RABGAP1L: variants seen among roughly 807,000 people sequenced by gnomAD.
RABGAP1L encodes rab GTPase-activating protein 1-like.
RABGAP1L carries 63 observed loss-of-function variants against 137.7 expected under a neutral mutation model. The ratio of observed to expected loss-of-function variants is 0.46; its 90% CI spans 0.37 to 0.56. The LOEUF is 0.56. Among genes scored for constraint, RABGAP1L ranks in the 20% least tolerant of loss-of-function variants. RABGAP1L has a pLI of 0.00. For synonymous variants in RABGAP1L, 431 were observed against 433.7 expected (o/e 0.99, Z 0.08); for missense variants, 1,095 against 1,244.0 (o/e 0.88, Z 1.80).
intron 10 of RABGAP1L, among the ~76,000 whole-genome samples, chr1:174,280,053 GAGA>G (rs1558094719): frequency 7.6e-5 from 9 of 117,812 alleles, no homozygotes; most frequent in Non-Finnish European, 1.6e-5. Flanking sequence ...TGCCTGGAGA[GAGA>G]GAGAGAGAGA....
At chr1:174,307,367 C>G (rs1678383497) in intron 11 of RABGAP1L, among the ~76,000 whole-genome samples, 5 of 152,142 alleles carry the variant, frequency 3.3e-5, no homozygotes, top group South Asian at 2.1e-4. Context: ...TTAGTACATT[C>G]ACAATTTTGG....
At chr1:174,782,025 C>T (rs1345800461) in intron 18 of RABGAP1L, among the ~76,000 whole-genome samples, 1 of 152,140 alleles carries the variant, frequency 6.6e-6, no homozygotes, top group Non-Finnish European at 1.5e-5. Context: ...GTTCTTTTGG[C>T]TTAGGATTGA....
At chr1:174,639,301 A>T (rs1457050812) in intron 14 of RABGAP1L, among the ~76,000 whole-genome samples, 1 of 152,170 alleles carries the variant, frequency 6.6e-6, no homozygotes, top group Non-Finnish European at 1.5e-5. Context: ...ATAATCTGAG[A>T]GTATACTGAT....
chr1:174,954,431 C>G (rs1040007454), intron 19 of RABGAP1L, among the ~76,000 whole-genome samples: 3 of 152,136 alleles, frequency 2.0e-5, no homozygotes, highest in African/African-American at 7.2e-5. Flanking sequence ...AAATGTTTCA[C>G]TTTGAAATGA....
chr1:174,209,445 G>A (rs1404697712), intron 1 of RABGAP1L, among the ~76,000 whole-genome samples: 11 of 152,228 alleles, frequency 7.2e-5, no homozygotes, highest in Non-Finnish European at 1.5e-4. Flanking sequence ...AGGGAACATC[G>A]GCAGTAGCTT....
At chr1:174,928,537 A>G (rs1445778231) in intron 19 of RABGAP1L, among the ~76,000 whole-genome samples, 1 of 152,112 alleles carries the variant, frequency 6.6e-6, no homozygotes, top group Non-Finnish European at 1.5e-5. Flanking sequence ...CAAAAGGAAA[A>G]TAATGAAAGC....
At chr1:174,929,455 T>C (rs887773645) in intron 19 of RABGAP1L, among the ~76,000 whole-genome samples, 5 of 152,062 alleles carry the variant, frequency 3.3e-5, no homozygotes, top group African/African-American at 1.2e-4. Context: ...AAATTAGAAA[T>C]TTAGGGGCCA....
At chr1:174,496,651 A>T (rs189220004) in intron 13 of RABGAP1L, among the ~76,000 whole-genome samples, 2 of 152,340 alleles carry the variant, frequency 1.3e-5, no homozygotes, top group African/African-American at 4.8e-5. Flanking sequence ...TCTCAATTGA[A>T]GGCAACCAAT....
chr1:174,598,755 C>T (rs1445899720), intron 13 of RABGAP1L, among the ~76,000 whole-genome samples: 2 of 152,018 alleles, frequency 1.3e-5, no homozygotes, highest in Admixed American at 1.3e-4. Flanking sequence ...CATGGAATAT[C>T]TTTTCCCATT....
At chr1:174,615,791 C>G (rs1361787860) in intron 13 of RABGAP1L, among the ~76,000 whole-genome samples, 1 of 152,216 alleles carries the variant, frequency 6.6e-6, no homozygotes, top group Non-Finnish European at 1.5e-5. Flanking sequence ...GGTGGGCGCC[C>G]CTCCCCCAGC....
intron 17 of RABGAP1L, among the ~76,000 whole-genome samples, chr1:174,751,622 T>C (rs952745913): frequency 2.0e-5 from 3 of 152,236 alleles, no homozygotes; most frequent in Non-Finnish European, 2.9e-5. Context: ...TTCAGAGCAA[T>C]TGGGCAGAAC....
chr1:174,258,149 T>C (rs1673275668), intron 7 of RABGAP1L, among the ~76,000 whole-genome samples: 1 of 152,240 alleles, frequency 6.6e-6, no homozygotes. Flanking sequence ...AATTCTTGGA[T>C]TTTTCTATAT....
chr1:174,450,790 A>G (rs1201358658), intron 13 of RABGAP1L, among the ~76,000 whole-genome samples: 1 of 152,208 alleles, frequency 6.6e-6, no homozygotes, highest in African/African-American at 2.4e-5. Context: ...TAAAATTTAT[A>G]TCAAACTACT....
intron 13 of RABGAP1L, among the ~76,000 whole-genome samples, chr1:174,600,931 C>A (rs1013126885): frequency 6.6e-6 from 1 of 152,266 alleles, no homozygotes; most frequent in African/African-American, 2.4e-5. Context: ...TTCCGCACTG[C>A]CCTATCAGAG....
chr1:174,764,726 C>CAGAAGCTGCCTCAGCAGGAGCTGCCTCAG (rs1685523414), intron 18 of RABGAP1L, among the ~76,000 whole-genome samples: 1 of 152,200 alleles, frequency 6.6e-6, no homozygotes, highest in Non-Finnish European at 1.5e-5. Context: ...TCTGCCTCAG[C>CAGAAGCTGCCTCAGCAGGAGCTGCCTCAG]CTCCAAAGTA....
At chr1:174,747,392 A>G (rs920273983) in intron 17 of RABGAP1L, among the ~76,000 whole-genome samples, 32 of 141,346 alleles carry the variant, frequency 2.3e-4, no homozygotes, top group African/African-American at 7.9e-4. Flanking sequence ...ACAGAGTGAA[A>G]TTCTATCTCT....
chr1:174,268,593 A>G (rs908811433), intron 7 of RABGAP1L, among the ~76,000 whole-genome samples: 5 of 151,988 alleles, frequency 3.3e-5, no homozygotes, highest in Non-Finnish European at 7.4e-5. Flanking sequence ...TTTTATCTTC[A>G]TGGAGATATA....
At chr1:174,215,051 A>C (rs370443911) in intron 1 of RABGAP1L, among the ~76,000 whole-genome samples, 6 of 152,248 alleles carry the variant, frequency 3.9e-5, no homozygotes, top group Non-Finnish European at 8.8e-5. Flanking sequence ...GTGAAGAGAC[A>C]ACCCACAGAA....
At chr1:174,211,852 A>G (rs1668917481) in intron 1 of RABGAP1L, among the ~76,000 whole-genome samples, 1 of 152,198 alleles carries the variant, frequency 6.6e-6, no homozygotes, top group Non-Finnish European at 1.5e-5. Flanking sequence ...GACAAAATTG[A>G]TTTTAAGACA....
Sources: allele counts gnomAD v4.1 joint callset (sites outside exome capture counted in the v4.1 genomes callset), GRCh38; gene constraint gnomAD v4.1.1; transcripts MANE v1.5; gene names NCBI Gene and HGNC (gene_info 2026-07-23, HGNC 2026-07-21).